The following PTPRM variants were observed in gnomAD, a reference collection of about 807,000 sequenced individuals.
PTPRM encodes protein tyrosine phosphatase receptor type M.
PTPRM carries 47 observed loss-of-function variants against 186.7 expected under a neutral mutation model. The ratio of observed to expected loss-of-function variants is 0.25; its 90% CI spans 0.20 to 0.32. The LOEUF is 0.32. PTPRM is among the 10% of genes least tolerant of loss of function. PTPRM has a pLI of 1.00. For synonymous variants in PTPRM, 668 were observed against 674.9 expected (o/e 0.99, Z 0.16); for missense variants, 1,494 against 1,865.0 (o/e 0.80, Z 3.66).
chr18:8,195,211 T>TTCACAAGG (rs1359415524), intron 14 of PTPRM, among the ~76,000 whole-genome samples: 1 of 151,238 alleles, frequency 6.6e-6, no homozygotes, highest in Non-Finnish European at 1.5e-5. Context: ...ACAGAGGCCT[T>TTCACAAGG]TCACAAGGAC....
Position 8,247,887 on chromosome 18 carries a change from T to C in PTPRM, c.2495T>C (p.Leu832Pro), listed in dbSNP as rs2094492587. The C allele has an allele frequency of 1.9e-6, 3 of 1,606,088 alleles. No homozygotes were observed. Among genetic ancestry groups the C allele is most frequent in the Non-Finnish European group, 2.6e-6 (3 of 1,172,688 alleles). ...PSSFTMKTNT[L>P]STSVPNSYYP... ...TCCTTCACAATGAAAACAAATACAC[T>C]GAGCACATCGGTGCCTAATTCCTAT... The change falls in exon 16 of 33, where the codon CTG becomes CCG. Residue 832 changes from leucine (L) to proline (P), a missense_variant. By Grantham distance (98) the Leu-to-Pro change is moderately conservative (BLOSUM62 -3). Coordinates refer to ENST00000580170, the MANE Select transcript of PTPRM (RefSeq NM_001105244.2).
intron 31 of PTPRM, among the ~76,000 whole-genome samples, chr18:8,389,190 T>C (rs1243439878): frequency 6.6e-6 from 1 of 152,198 alleles, no homozygotes; most frequent in Admixed American, 6.5e-5. Context: ...TACCCCTGCC[T>C]GCATCTGGAG....
intron 14 of PTPRM, among the ~76,000 whole-genome samples, chr18:8,176,430 C>A (rs1291359622): frequency 6.6e-6 from 1 of 152,130 alleles, no homozygotes; most frequent in Non-Finnish European, 1.5e-5. Context: ...CTTAATTATT[C>A]ATCAAATATA....
At chr18:8,226,759 A>C (rs1051913320) in intron 14 of PTPRM, among the ~76,000 whole-genome samples, 1 of 152,254 alleles carries the variant, frequency 6.6e-6, no homozygotes, top group African/African-American at 2.4e-5. Context: ...ATAGTTGAGT[A>C]GGTTAGAAGT....
rs970926126 is a variant in PTPRM, at chr18:8,211,377, C to CTT, written c.2301-32657_2301-32656dup. On this transcript the variant is annotated intron_variant, in intron 14 of 32. Transcript: ENST00000580170. ...GGGAAGCTTGTGTAGGTCTCTTCTT[C>CTT]TTTTTTTTTTTTTTTTTTTTTTTTT... 9.1e-3 allele frequency among the ~76,000 whole-genome samples: 797 copies of CTT among 87,214 alleles called. 20 individuals carry two copies. The highest frequency in any genetic ancestry group is 0.013 in the African/African-American group (276 of 21,020). The allele number at this position is 87,214 out of a possible 152,430, so 57.2% of individuals were successfully genotyped here.
chr18:8,138,205 C>A (rs1235992810), intron 13 of PTPRM, among the ~76,000 whole-genome samples: 12 of 66,776 alleles, frequency 1.8e-4, no homozygotes, highest in Non-Finnish European at 3.8e-4. Flanking sequence ...CACCCCCTAC[C>A]TTTTTTTTTT....
intron 1 of PTPRM, among the ~76,000 whole-genome samples, chr18:7,638,335 A>G (rs1403148003): frequency 1.3e-5 from 2 of 152,184 alleles, no homozygotes; most frequent in Non-Finnish European, 2.9e-5. Flanking sequence ...TTTTAAATTT[A>G]TGCTTCCTAA....
intron 2 of PTPRM, among the ~76,000 whole-genome samples, chr18:7,785,563 G>T (rs1000371832): frequency 3.3e-5 from 5 of 152,198 alleles, no homozygotes; most frequent in Non-Finnish European, 5.9e-5. Flanking sequence ...AAAATTTGCA[G>T]TATAAATGTG....
At chr18:7,825,045 C>G (rs367650270) in intron 2 of PTPRM, among the ~76,000 whole-genome samples, 5 of 152,296 alleles carry the variant, frequency 3.3e-5, no homozygotes, top group African/African-American at 1.2e-4. Flanking sequence ...AGCATCAAGG[C>G]TTGCTGCGTT....
At chr18:8,156,308 A>G (rs1303473127) in intron 14 of PTPRM, among the ~76,000 whole-genome samples, 1 of 152,164 alleles carries the variant, frequency 6.6e-6, no homozygotes, top group Non-Finnish European at 1.5e-5. Flanking sequence ...TTTTCATCTT[A>G]TAGGAGGAAA....
chr18:8,280,854 G>A (rs1169563027), intron 19 of PTPRM, among the ~76,000 whole-genome samples: 1 of 152,166 alleles, frequency 6.6e-6, no homozygotes, highest in African/African-American at 2.4e-5. Context: ...CTCTGTGCCT[G>A]TGGAAGTTAA....
At chr18:8,347,100 AG>A (rs1340601594) in intron 23 of PTPRM, among the ~76,000 whole-genome samples, 3 of 152,170 alleles carry the variant, frequency 2.0e-5, no homozygotes, top group Non-Finnish European at 4.4e-5. Context: ...GGGGAGAAAG[AG>A]GTACCTGGAG....
chr18:7,846,159 T>G (rs953667058), intron 2 of PTPRM, among the ~76,000 whole-genome samples: 1 of 152,128 alleles, frequency 6.6e-6, no homozygotes, highest in African/African-American at 2.4e-5. Context: ...ACCATAAGCT[T>G]TTTAGTCTTA....
chr18:7,689,531 T>TTACA (rs2039688040), intron 1 of PTPRM, among the ~76,000 whole-genome samples: 1 of 152,214 alleles, frequency 6.6e-6, no homozygotes, highest in Admixed American at 6.5e-5. Flanking sequence ...TACGCTAGGG[T>TTACA]TACAGTTAAG....
chr18:8,378,129 A>C, intron 26 of PTPRM, 136 bp from the exon 27 acceptor site: 1 of 851,648 alleles, frequency 1.2e-6, no homozygotes, highest in East Asian at 2.6e-5. Context: ...GTCTCCTAGC[A>C]CTTGAGCCCT....
chr18:7,762,025 C>T (rs77333501), intron 1 of PTPRM, among the ~76,000 whole-genome samples: 2,583 of 152,248 alleles, frequency 0.017, 17 homozygotes, highest in Non-Finnish European at 0.025. Context: ...TCTGTTAAAT[C>T]TAGCAAGTAT....
intron 2 of PTPRM, among the ~76,000 whole-genome samples, chr18:7,810,142 C>T (rs774206685): frequency 2.0e-5 from 3 of 152,128 alleles, no homozygotes; most frequent in Admixed American, 6.5e-5. Flanking sequence ...AAACACCCCT[C>T]GCACCTACCC....
chr18:7,916,832 A>G (rs1288839465), intron 4 of PTPRM, among the ~76,000 whole-genome samples: 18 of 152,298 alleles, frequency 1.2e-4, no homozygotes, highest in East Asian at 3.9e-4. Context: ...ATTTGCAAAT[A>G]TACCAGAAAT....
At chr18:8,314,225 G>A (rs2095291167) in intron 20 of PTPRM, among the ~76,000 whole-genome samples, 1 of 152,154 alleles carries the variant, frequency 6.6e-6, no homozygotes, top group Admixed American at 6.5e-5. Flanking sequence ...AGGAGGCTGA[G>A]GCTTGGTGCC....
Sources: gnomAD v4.1 joint callset for allele counts (sites outside exome capture counted in the v4.1 genomes callset) on GRCh38, gnomAD v4.1.1 for gene constraint, MANE v1.5 for transcripts, NCBI Gene and HGNC (gene_info 2026-07-23, HGNC 2026-07-21) for gene names.